Variants in COL6A5 observed in about 807,000 individuals in gnomAD.
COL6A5 encodes collagen alpha-5(VI) chain.
In COL6A5, 48 loss-of-function variants were observed where a neutral mutation model predicts 65.6. The ratio of observed to expected loss-of-function variants is 0.73; its 90% CI spans 0.58 to 0.93. COL6A5 has a LOEUF of 0.93. COL6A5 is among the 40% of genes least tolerant of loss of function. The pLI is 0.00. For synonymous variants in COL6A5, 291 were observed against 322.8 expected, an observed-to-expected ratio of 0.90 and a Z score of 1.05; for missense variants, 914 against 928.3, an observed-to-expected ratio of 0.98 and a Z score of 0.20.
intron 5 of COL6A5, among the ~76,000 whole-genome samples, chr3:130,464,371 G>A (rs1055637721): frequency 1.3e-5 from 2 of 151,936 alleles, no homozygotes; most frequent in Non-Finnish European, 2.9e-5. Flanking sequence ...GGCCTCAAGC[G>A]ATCCTCCCAC....
intron 1 of COL6A5, among the ~76,000 whole-genome samples, chr3:130,371,354 G>A (rs1935549479): frequency 1.3e-5 from 2 of 151,540 alleles, no homozygotes; most frequent in Non-Finnish European, 1.5e-5. Flanking sequence ...AATGCACAGG[G>A]CTCAGAATAG....
At chr3:130,400,197 C>T (rs149007784) in intron 10 of COL6A5, among the ~76,000 whole-genome samples, 31 of 152,284 alleles carry the variant, frequency 2.0e-4, no homozygotes, top group African/African-American at 7.0e-4. Context: ...CCTTTAGAAT[C>T]AGCTTCAACA....
intron 17 of COL6A5, among the ~76,000 whole-genome samples, chr3:130,408,265 G>A (rs577885744): frequency 6.6e-4 from 99 of 150,694 alleles, no homozygotes; most frequent in Non-Finnish European, 1.0e-3. Context: ...ATGCATTCCC[G>A]GTGTGGGGGT....
exon 5 of COL6A5, chr3:130,384,832 C>T: frequency 6.5e-7 from 1 of 1,548,742 alleles, no homozygotes; most frequent in Non-Finnish European, 8.7e-7. Context: ...AGGCTGATAT[C>T]CACTTCCTCA....
At position 130,436,816 on chromosome 3, in the gene COL6A5, A is replaced by G. The variant is rs369364337; in HGVS notation, c.488-2706A>G. On this transcript the variant is annotated intron_variant, in intron 1 of 7. Coordinates refer to ENST00000512836, the Ensembl canonical transcript of COL6A5. ...GGCCTCAGAATGTCGGTATTGCCCA[A>G]AGCCCATTCTTTAGCCCTCTTCTCT... is the stretch of plus-strand genomic sequence containing the variant. 5.6e-4 allele frequency among the ~76,000 whole-genome samples: 85 copies of G among 152,174 alleles called. 1 individual carries two copies. The South Asian group carries it at 0.017, about 30-fold the overall frequency.
intron 3 of COL6A5, among the ~76,000 whole-genome samples, chr3:130,377,478 C>T (rs1935828234): frequency 6.6e-6 from 1 of 152,152 alleles, no homozygotes; most frequent in Non-Finnish European, 1.5e-5. Flanking sequence ...AGAATGATAA[C>T]CTTAGAATGA....
chr3:130,389,080 G>A (rs1198783061), exon 6 of COL6A5: 24 of 1,477,692 alleles, frequency 1.6e-5, no homozygotes, highest in African/African-American at 1.4e-4. Context: ...TGAGAACTTC[G>A]ATCATCTAAA....
Position 130,439,518 on chromosome 3 carries a change from G to T in COL6A5, c.488-4G>T. On this transcript the variant is annotated splice_polypyrimidine_tract_variant and splice_region_variant and intron_variant, in intron 1 of 7. Transcript: ENST00000512836. ...AACATGCGTTCACTTCTTTTCCAAT[G>T]CAGTTTGACAACACTGGAACATTTC... 1 of 1,546,350 alleles carries T rather than the reference G, an allele frequency of 6.5e-7. No individual in the cohort carries two copies. Among genetic ancestry groups the T allele is most frequent in the Non-Finnish European group, 8.7e-7 (1 of 1,143,740 alleles).
exon 1 of COL6A5, chr3:130,345,743 CG>C: frequency 5.0e-6 from 2 of 398,758 alleles, no homozygotes; most frequent in Non-Finnish European, 8.8e-6. Flanking sequence ...GGGTCAGCGC[CG>C]GCTTAAAAGA....
At chr3:130,419,962 A>AC (rs1324834620) in intron 25 of COL6A5, among the ~76,000 whole-genome samples, 1 of 152,122 alleles carries the variant, frequency 6.6e-6, no homozygotes, top group Admixed American at 6.6e-5. Context: ...TGATTAGGGC[A>AC]CAGCAAGTTT....
At chr3:130,468,891 T>C (rs1191019042) in exon 6 of COL6A5, 7 of 1,612,074 alleles carry the variant, frequency 4.3e-6, no homozygotes, top group Non-Finnish European at 5.1e-6. Context: ...GCTTTCCTCA[T>C]AGATGCTTCC....
At chr3:130,408,476 A>C (rs1937073888) in intron 17 of COL6A5, among the ~76,000 whole-genome samples, 1 of 152,226 alleles carries the variant, frequency 6.6e-6, no homozygotes, top group South Asian at 2.1e-4. Flanking sequence ...GATGTTTATC[A>C]ATGACAATGT....
upstream of COL6A5, chr3:130,431,371 C>T: frequency 7.2e-7 from 1 of 1,389,206 alleles, no homozygotes; most frequent in Non-Finnish European, 9.9e-7. Context: ...ACTTGCTTTG[C>T]CTCTGTATGA....
intron 18 of COL6A5, 60 bp from the exon 19 acceptor site, chr3:130,409,949 G>A (rs9826225): frequency 0.042 from 51,215 of 1,222,498 alleles, 4,397 homozygotes; most frequent in East Asian, 0.37. Flanking sequence ...ACATCATACC[G>A]TTTTGGGGAA....
rs1012810729 is a variant in COL6A5 at position 130,436,081 on chromosome 3, T to A, written c.488-3441T>A. Among the ~76,000 whole-genome samples, 4 of 152,158 alleles carry A rather than the reference T, an allele frequency of 2.6e-5. No individual in the cohort carries two copies. The East Asian group carries it at 7.7e-4, about 29-fold the overall frequency. ...GATATTCTAGAAATTTCTAAATTTTTAAAAAAGTATTAGCAGGTTAAATCT... is the reference window on the plus strand; with the variant it reads ...GATATTCTAGAAATTTCTAAATTTTAAAAAAAGTATTAGCAGGTTAAATCT... On this transcript the variant is annotated intron_variant, in intron 1 of 7. Coordinates refer to ENST00000512836, the Ensembl canonical transcript of COL6A5.
chr3:130,440,106 A>C, intron 2 of COL6A5, 60 bp from the exon 35 acceptor site: 2 of 1,355,266 alleles, frequency 1.5e-6, no homozygotes, highest in Non-Finnish European at 2.0e-6. Context: ...TGAAGATCTC[A>C]AACAAGTGTC....
At chr3:130,348,702 T>C (rs555116927) in intron 1 of COL6A5, among the ~76,000 whole-genome samples, 1 of 152,358 alleles carries the variant, frequency 6.6e-6, no homozygotes, top group East Asian at 1.9e-4. Flanking sequence ...CGCCATACTG[T>C]CTTCCACAAT....
intron 1 of COL6A5, among the ~76,000 whole-genome samples, chr3:130,372,786 C>T (rs1198343110): frequency 6.6e-6 from 1 of 152,142 alleles, no homozygotes; most frequent in Non-Finnish European, 1.5e-5. Context: ...TCTCCACATC[C>T]AGCTTCCAAT....
chr3:130,445,868 A>T (rs527970508), intron 4 of COL6A5, among the ~76,000 whole-genome samples: 110 of 152,224 alleles, frequency 7.2e-4, no homozygotes, highest in African/African-American at 2.3e-3. Context: ...CATGTGAGTC[A>T]TTTTTTAATA....
Sources: allele counts gnomAD v4.1 joint callset (sites outside exome capture counted in the v4.1 genomes callset), GRCh38; gene constraint gnomAD v4.1.1; transcripts MANE v1.5; gene names NCBI Gene and HGNC (gene_info 2026-07-23, HGNC 2026-07-21).